RUFY3: variants seen among roughly 807,000 people sequenced by gnomAD.
RUFY3 encodes protein RUFY3.
RUFY3 carries 34 observed loss-of-function variants against 84.0 expected under a neutral mutation model. The ratio of observed to expected loss-of-function variants is 0.40; its 90% CI spans 0.31 to 0.54. RUFY3 has a LOEUF of 0.54. RUFY3 is among the 20% of genes least tolerant of loss of function. The pLI is 0.39. For missense variants in RUFY3, 507 were observed against 736.8 expected, an observed-to-expected ratio of 0.69 and a Z score of 3.61; for synonymous variants, 242 against 252.9, an observed-to-expected ratio of 0.96 and a Z score of 0.41.
Position 70,722,728 on chromosome 4 carries a change from C to T in RUFY3, c.155C>T (p.Pro52Leu). Residue 52 changes from proline to leucine, a missense_variant, in exon 1 of 18, where the codon CCT becomes CTT. By Grantham distance (98) the Pro-to-Leu change is moderately conservative. This residue lies in a region of RUFY3 where 133 missense variants were observed against 301.1 expected (regional missense o/e 0.44). Coordinates refer to ENST00000381006, the MANE Select transcript of RUFY3 (RefSeq NM_001037442.4). The part of the protein sequence containing the change: ...LRELDDISLT[P>L]DPEPTHEDPN... ...GAGCTGGATGACATCTCACTTACACCTGACCCAGAGCCTACCCATGAAGGT... is the reference window on the plus strand; with the variant it reads ...GAGCTGGATGACATCTCACTTACACTTGACCCAGAGCCTACCCATGAAGGT... 2 of 1,614,074 alleles carry T rather than the reference C, an allele frequency of 1.2e-6. No homozygotes were observed. Among genetic ancestry groups the T allele is most frequent in the Non-Finnish European group, 1.7e-6 (2 of 1,179,984 alleles).
intron 1 of RUFY3, among the ~76,000 whole-genome samples, chr4:70,738,294 T>A (rs916850881): frequency 6.6e-6 from 1 of 151,286 alleles, no homozygotes; most frequent in African/African-American, 2.4e-5. Context: ...CAGCCTTAAT[T>A]CCTTGTAAAG....
rs138597604 is a variant in RUFY3 at position 70,753,692 on chromosome 4, G to A, written c.179-8827G>A. Among the ~76,000 whole-genome samples, 1,172 of 152,184 alleles carry A rather than the reference G, an allele frequency of 7.7e-3. 10 individuals carry two copies. Among genetic ancestry groups the A allele is most frequent in the Middle Eastern group, 0.02 (6 of 294 alleles). On this transcript the variant is annotated intron_variant, in intron 1 of 17. Coordinates refer to ENST00000381006, the MANE Select transcript of RUFY3 (RefSeq NM_001037442.4). Reference sequence around the variant, plus strand: ...AGAGTAGAAAGGATCTAGTTCATTTGGTATCAATCATTTGTGGGATTTTCC... The same window carrying A: ...AGAGTAGAAAGGATCTAGTTCATTTAGTATCAATCATTTGTGGGATTTTCC...
intron 15 of RUFY3, among the ~76,000 whole-genome samples, chr4:70,800,443 A>C (rs558567467): frequency 1.3e-5 from 2 of 152,342 alleles, no homozygotes; most frequent in South Asian, 4.1e-4. Context: ...TTCCCTGATT[A>C]ATTCCCAAGC....
chr4:70,806,353 T>C (rs1337715060), intron 17 of RUFY3, among the ~76,000 whole-genome samples, 163 bp from the exon 18 acceptor site: 1 of 152,226 alleles, frequency 6.6e-6, no homozygotes, highest in African/African-American at 2.4e-5. Context: ...CGGTGAACTT[T>C]TTTGTAGATT....
intron 1 of RUFY3, among the ~76,000 whole-genome samples, chr4:70,759,208 A>G (rs1276871740): frequency 2.6e-5 from 4 of 152,024 alleles, no homozygotes; most frequent in Non-Finnish European, 5.9e-5. Context: ...CTCTACTTCT[A>G]TGAGCTCAAC....
chr4:70,715,321 C>T (rs113502441), intron 1 of RUFY3, among the ~76,000 whole-genome samples: 1,534 of 152,220 alleles, frequency 0.01, 32 homozygotes, highest in African/African-American at 0.036. Context: ...GTGGCTCATG[C>T]CTGTAATCCC....
Position 70,789,608 on chromosome 4 carries a change from C to A in RUFY3, c.1337+16C>A, listed in dbSNP as rs1269680182. The A allele has an allele frequency of 6.2e-7, 1 of 1,608,642 alleles. No individual in the cohort carries two copies. The highest frequency in any genetic ancestry group is 1.7e-5 in the Admixed American group (1 of 59,270). On this transcript the variant is annotated intron_variant, in intron 12 of 17. Transcript: ENST00000381006. The stretch of plus-strand genomic sequence containing the variant: ...TTGAACAAAGGTAAAAGTCCTGTTT[C>A]TTTAATGAAACACTTTGGATTGTCA...
At chr4:70,787,187 A>AAAAAAAAAAAAT (rs1553920475) in intron 10 of RUFY3, among the ~76,000 whole-genome samples, 4 of 81,476 alleles carry the variant, frequency 4.9e-5, no homozygotes, top group African/African-American at 2.1e-4. Context: ...AAAAAAAAAA[A>AAAAAAAAAAAAT]ATATATATAT....
chr4:70,789,667 G>A (rs1018384386), intron 12 of RUFY3, 75 bp downstream of exon 12: 4 of 1,500,568 alleles, frequency 2.7e-6, no homozygotes, highest in African/African-American at 2.8e-5. Flanking sequence ...TGTACATTCG[G>A]CAAATAGAAA....
intron 15 of RUFY3, among the ~76,000 whole-genome samples, chr4:70,802,169 C>T (rs1732311906): frequency 1.3e-5 from 2 of 152,188 alleles, no homozygotes; most frequent in Admixed American, 6.5e-5. Flanking sequence ...TGGCTCTGCA[C>T]TACCTATTAG....
chr4:70,727,063 C>T (rs566620830), intron 1 of RUFY3, among the ~76,000 whole-genome samples: 3 of 139,860 alleles, frequency 2.1e-5, no homozygotes, highest in East Asian at 2.0e-4. Flanking sequence ...TTTTTTTAAC[C>T]GAAGCAATGT....
At chr4:70,763,786 C>A in intron 3 of RUFY3, 117 bp downstream of exon 3, 1 of 1,245,392 alleles carries the variant, frequency 8.0e-7, no homozygotes, top group Non-Finnish European at 1.1e-6. Context: ...ATCCAAAATG[C>A]ATGATGTCAT....
chr4:70,705,873 A>G (rs1228443831), intron 1 of RUFY3, among the ~76,000 whole-genome samples: 4 of 152,212 alleles, frequency 2.6e-5, no homozygotes. Flanking sequence ...TAAATATGAC[A>G]GATCCGTCCC....
chr4:70,710,439 G>A (rs1285370674), intron 1 of RUFY3, among the ~76,000 whole-genome samples: 1 of 152,234 alleles, frequency 6.6e-6, no homozygotes, highest in African/African-American at 2.4e-5. Context: ...GGGAGGCCAA[G>A]GCAGGCGGAT....
rs534810839 is a variant in RUFY3 at position 70,761,709 on chromosome 4, G to T, written c.179-810G>T. On this transcript the variant is annotated intron_variant, in intron 1 of 17. Transcript: ENST00000381006. ...TTTCCCCAAATAGTTTATCCATCTG[G>T]TTGATGAGAGCCATACACTGTATGC... Among the ~76,000 whole-genome samples, 4 of 152,260 alleles carry T rather than the reference G, an allele frequency of 2.6e-5. No homozygotes were observed. The South Asian group carries it at 8.3e-4, about 32-fold the overall frequency.
Position 70,705,639 on chromosome 4 carries a change from C to G in RUFY3, c.358+345C>G, listed in dbSNP as rs1031942416. On this transcript the variant is annotated intron_variant, in intron 1 of 11. Transcript: ENST00000417478. Reference sequence around the variant, plus strand: ...GAAGCGGCCTGCCTGCCCCCCTCCACCCGGGGCGCCCTGGCCCTGTCCCGG... The same window carrying G: ...GAAGCGGCCTGCCTGCCCCCCTCCAGCCGGGGCGCCCTGGCCCTGTCCCGG... Among the ~76,000 whole-genome samples the G allele has an allele frequency of 1.3e-5, 2 of 152,190 alleles. 1 individual carries two copies. The highest frequency in any genetic ancestry group is 4.1e-4 in the South Asian group (2 of 4,838).
chr4:70,763,858 G>A (rs1217339368), intron 3 of RUFY3, among the ~76,000 whole-genome samples, 189 bp downstream of exon 3: 2 of 152,168 alleles, frequency 1.3e-5, no homozygotes, highest in Non-Finnish European at 2.9e-5. Flanking sequence ...GCTCTTGAGG[G>A]ATAATTATTC....
chr4:70,779,739 C>T (rs1044862097), intron 8 of RUFY3, among the ~76,000 whole-genome samples: 2 of 152,016 alleles, frequency 1.3e-5, no homozygotes, highest in African/African-American at 4.8e-5. Context: ...CACACCACCA[C>T]ACCTGGCTAT....
chr4:70,726,252 C>CTT (rs529563867), intron 1 of RUFY3, among the ~76,000 whole-genome samples: 1 of 152,312 alleles, frequency 6.6e-6, no homozygotes, highest in South Asian at 2.1e-4. Context: ...GACTCTCCAA[C>CTT]TTCTGGCTGC....
Sources: allele counts gnomAD v4.1 joint callset (sites outside exome capture counted in the v4.1 genomes callset), GRCh38; gene constraint gnomAD v4.1.1; regional missense constraint gnomAD v4.1.1; transcripts MANE v1.5; gene names NCBI Gene and HGNC (gene_info 2026-07-23, HGNC 2026-07-21).